CDKN2A: variants seen among roughly 807,000 people sequenced by gnomAD.
CDKN2A encodes the protein cyclin dependent kinase inhibitor 2A.
A neutral mutation model predicts 11.1 loss-of-function variants in CDKN2A; 3 were observed. That is an observed-to-expected ratio of 0.27 (90% CI 0.12 to 0.70). The LOEUF (loss-of-function observed/expected upper bound fraction) is 0.70. Ranked by LOEUF, CDKN2A falls within the 30% of genes least tolerant of loss-of-function variation. The probability of loss-of-function intolerance (pLI) is 0.77; values close to 1 mark genes in which losing one functional copy is unlikely to be tolerated. For synonymous variants in CDKN2A, 122 were observed against 108.1 expected (o/e 1.13, Z -0.80); for missense variants, 265 against 233.6 (o/e 1.13, Z -0.88).
At chr9:21,976,378 C>CA (rs71336505), upstream of CDKN2A, among the ~76,000 whole-genome samples, 247 of 124,202 alleles carry the variant, frequency 2.0e-3, 1 homozygote, top group South Asian at 8.9e-3. Flanking sequence ...GACTCCGACT[C>CA]AAAAAAAAAA....
chr9:21,974,958 C>T, upstream of CDKN2A: 3 of 1,417,850 alleles, frequency 2.1e-6, no homozygotes, highest in Non-Finnish European at 2.7e-6. The surrounding 1 kb of genome is among the most constrained non-coding windows in gnomAD (Gnocchi z 5.2). Context: ...AGAGCCCCCT[C>T]CGACCCTGTC....
intron 2 of CDKN2A, among the ~76,000 whole-genome samples, chr9:21,986,095 G>A (rs1244460149): frequency 6.6e-6 from 1 of 151,974 alleles, no homozygotes. Context: ...GTTTACAGAT[G>A]AGAACATGAA....
chr9:21,982,436 C>G (rs1000154513), intron 2 of CDKN2A, among the ~76,000 whole-genome samples: 4 of 152,002 alleles, frequency 2.6e-5, no homozygotes, highest in Non-Finnish European at 5.9e-5. Context: ...AATGAGGGAT[C>G]TTTGCAGCTC....
chr9:21,975,266 G>T, upstream of CDKN2A: 1 of 566,484 alleles, frequency 1.8e-6, no homozygotes, highest in Non-Finnish European at 2.2e-6. Context: ...CGTTCACTCT[G>T]TTAAAAAGAA....
At chr9:21,986,999 C>G in intron 2 of CDKN2A, among the ~76,000 whole-genome samples, 1 of 151,672 alleles carries the variant, frequency 6.6e-6, no homozygotes, top group Non-Finnish European at 1.5e-5. Context: ...TGGTGGCACT[C>G]GAGAAAAGAA....
chr9:21,972,166 A>G (rs1301181093), intron 1 of CDKN2A, among the ~76,000 whole-genome samples: 1 of 152,102 alleles, frequency 6.6e-6, no homozygotes, highest in Admixed American at 6.5e-5. Flanking sequence ...CCAAAACTTC[A>G]ATTTCTTCAA....
In CDKN2A at chr9:21,968,684, C is replaced by A; in HGVS notation, c.458-442G>T. ...GCCAGCTTGCGATAACCAAAGGGCG[C>A]CTCAGGCTCTGGCGCTCCTCGGCGG... On this transcript the variant is annotated intron_variant, in intron 2 of 2. Transcript: ENST00000304494. The surrounding 1 kb of genome is among the most constrained non-coding windows in gnomAD (Gnocchi z 4.7). 2 of 1,536,120 alleles carry A rather than the reference C, an allele frequency of 1.3e-6. No individual in the cohort carries two copies. Among genetic ancestry groups the A allele is most frequent in the Middle Eastern group, 1.7e-4 (1 of 5,990 alleles).
exon 2 of CDKN2A, chr9:21,993,996 T>C: frequency 2.2e-6 from 2 of 890,174 alleles, no homozygotes; most frequent in South Asian, 1.4e-5. Context: ...TCTAAGTCGT[T>C]GTAACCCGAA....
At chr9:21,973,619 G>C (rs1230907498) in intron 1 of CDKN2A, among the ~76,000 whole-genome samples, 2 of 152,056 alleles carry the variant, frequency 1.3e-5, no homozygotes, top group Non-Finnish European at 2.9e-5. Context: ...CACAAAACAG[G>C]AGTAGGGAGA....
rs764244718 is a variant in CDKN2A at position 21,974,841 on chromosome 9, G to A, written c.-14C>T. ...CGCCGGCTCCATGCTGCTCCCCGCC[G>A]CCCGCTGCCTGCTCTCCCCCTCTCC... On this transcript the variant is annotated 5_prime_UTR_variant, in exon 1 of 3. Coordinates refer to ENST00000304494, the MANE Select transcript of CDKN2A (RefSeq NM_000077.5). The surrounding 1 kb of genome is among the most constrained non-coding windows in gnomAD (Gnocchi z 5.2). The A allele has an allele frequency of 3.2e-4, 508 of 1,565,624 alleles. No homozygotes were observed. The highest frequency in any genetic ancestry group is 3.9e-4 in the Non-Finnish European group (452 of 1,161,356).
intron 2 of CDKN2A, among the ~76,000 whole-genome samples, chr9:21,985,784 A>G (rs1387006733): frequency 6.6e-6 from 1 of 151,986 alleles, no homozygotes; most frequent in African/African-American, 2.4e-5. Flanking sequence ...GTGAATTTAA[A>G]AGTATGCAAA....
chr9:21,981,051 T>C (rs1208839582), intron 2 of CDKN2A, among the ~76,000 whole-genome samples: 1 of 77,692 alleles, frequency 1.3e-5, no homozygotes. Flanking sequence ...TATATATATA[T>C]ATACGTGTAT....
chr9:21,974,860 C>G (rs531597737), upstream of CDKN2A: 2,227 of 1,515,778 alleles, frequency 1.5e-3, 5 homozygotes, highest in Non-Finnish European at 1.7e-3. This position sits in a 1 kb window ranked among gnomAD's most constrained non-coding sequence, Gnocchi z 5.2. Flanking sequence ...CTGCTCTCCC[C>G]CTCTCCGCAG....
At position 21,988,250 on chromosome 9, in the gene CDKN2A, CTG is replaced by C. The variant is rs1253503106; in HGVS notation, c.-4+5630_-4+5631del. Among the ~76,000 whole-genome samples, 2 of 152,042 alleles carry C rather than the reference CTG, an allele frequency of 1.3e-5. No homozygotes were observed. Among genetic ancestry groups the C allele is most frequent in the Non-Finnish European group, 2.9e-5 (2 of 68,006 alleles). ...TTTATTTTGAAGGTGAAAGAGAAAA[CTG>C]AGAAATAGTTGAATTAAAAAATCCT... On this transcript the variant is annotated intron_variant, in intron 2 of 3. Coordinates refer to the CDKN2A transcript ENST00000494262. The surrounding 1 kb of genome is among the most constrained non-coding windows in gnomAD (Gnocchi z 4.1).
At chr9:21,975,182 C>T (rs1819988507), upstream of CDKN2A, 3 of 1,128,104 alleles carry the variant, frequency 2.7e-6, no homozygotes, top group Non-Finnish European at 2.2e-6. Context: ...TCCCCACCTG[C>T]CCCCCACACC....
chr9:21,991,801 G>A lies in CDKN2A; in HGVS notation c.-4+2081C>T. The A allele has an allele frequency of 1.0e-6, 1 of 985,212 alleles. No individual in the cohort carries two copies. The allele number at this position is 985,212 out of a possible 1,614,324, so 61.0% of individuals were successfully genotyped here. On this transcript the variant is annotated intron_variant, in intron 2 of 3. Coordinates refer to the CDKN2A transcript ENST00000494262. This position sits in a 1 kb window ranked among gnomAD's most constrained non-coding sequence, Gnocchi z 5.2. ...TGAATATAAGTCTTGATTTCTGAAA[G>A]GGCTATGGTTCACTTGGAACACAAT...
At chr9:21,970,572 G>A in intron 2 of CDKN2A, 1 of 559,040 alleles carries the variant, frequency 1.8e-6, no homozygotes, top group Non-Finnish European at 3.2e-6. Flanking sequence ...AGGAAGAGGG[G>A]GCACTAGACC....
At chr9:21,994,346 C>T (rs1379379764) in intron 1 of CDKN2A, 1 of 1,606,958 alleles carries the variant, frequency 6.2e-7, no homozygotes, top group Non-Finnish European at 8.5e-7. Flanking sequence ...TCGCCGCCTC[C>T]AGGGCCGAGC....
In CDKN2A at chr9:21,988,498, A is replaced by C. The variant is rs182561524; in HGVS notation, c.-4+5384T>G. Among the ~76,000 whole-genome samples, 1 of 152,114 alleles carries C rather than the reference A, an allele frequency of 6.6e-6. No individual in the cohort carries two copies. On this transcript the variant is annotated intron_variant, in intron 2 of 3. Transcript: ENST00000494262. This position sits in a 1 kb window ranked among gnomAD's most constrained non-coding sequence, Gnocchi z 4.1. ...GCTCATGAATTAAATGAATGCACTGAGAGACACTGACAAGCACTGAGAATT... is the reference window on the plus strand; with the variant it reads ...GCTCATGAATTAAATGAATGCACTGCGAGACACTGACAAGCACTGAGAATT...
Sources: gnomAD v4.1 joint callset for allele counts (sites outside exome capture counted in the v4.1 genomes callset) on GRCh38, gnomAD v4.1.1 for gene constraint, Gnocchi (gnomAD v3.1) non-coding constraint, MANE v1.5 for transcripts, NCBI Gene and HGNC (gene_info 2026-07-23, HGNC 2026-07-21) for gene names.